Variants in CACNA2D3 observed in about 807,000 individuals in gnomAD.
CACNA2D3 encodes calcium voltage-gated channel auxiliary subunit alpha2delta 3.
A neutral mutation model predicts 160.6 loss-of-function variants in CACNA2D3; 60 were observed. The ratio of observed to expected loss-of-function variants is 0.37; its 90% CI spans 0.30 to 0.46. CACNA2D3 has a LOEUF of 0.46. Ranked by LOEUF, CACNA2D3 falls within the 20% of genes least tolerant of loss-of-function variation. The probability of loss-of-function intolerance (pLI) is 1.00; values close to 1 mark genes in which losing one functional copy is unlikely to be tolerated. For missense variants in CACNA2D3, 1,205 were observed against 1,365.0 expected (o/e 0.88, Z 1.85); for synonymous variants, 558 against 492.9 (o/e 1.13, Z -1.75).
intron 11 of CACNA2D3, among the ~76,000 whole-genome samples, chr3:54,690,792 C>T (rs1165441076): frequency 2.6e-5 from 4 of 152,052 alleles, no homozygotes; most frequent in Admixed American, 2.6e-4. Flanking sequence ...ACTTTGTTTT[C>T]CCTTTTCATT....
intron 2 of CACNA2D3, among the ~76,000 whole-genome samples, chr3:54,155,217 T>C (rs1700225430): frequency 1.3e-5 from 2 of 152,196 alleles, no homozygotes; most frequent in Non-Finnish European, 2.9e-5. Flanking sequence ...TGGTAGTAAG[T>C]ACAACATTGA....
At chr3:54,312,080 T>C (rs1703754794) in intron 2 of CACNA2D3, among the ~76,000 whole-genome samples, 1 of 152,158 alleles carries the variant, frequency 6.6e-6, no homozygotes, top group Admixed American at 6.5e-5. Context: ...TATTGGGGGA[T>C]CTGAATTAGA....
chr3:54,930,912 C>G (rs1701172070), intron 27 of CACNA2D3, among the ~76,000 whole-genome samples: 1 of 152,136 alleles, frequency 6.6e-6, no homozygotes, highest in Non-Finnish European at 1.5e-5. Context: ...GCCTGGCCAA[C>G]AAGGTGAAAC....
chr3:54,379,175 A>C (rs562479792), intron 3 of CACNA2D3, among the ~76,000 whole-genome samples: 1 of 152,300 alleles, frequency 6.6e-6, no homozygotes, highest in South Asian at 2.1e-4. Context: ...TTCTCTAGAA[A>C]CTTTATAGAT....
At chr3:55,054,116 A>G (rs2107210848) in intron 35 of CACNA2D3, among the ~76,000 whole-genome samples, 1 of 151,582 alleles carries the variant, frequency 6.6e-6, no homozygotes, top group African/African-American at 2.4e-5. Flanking sequence ...CTCATGTTCT[A>G]TCTTCAAATA....
At chr3:54,618,374 T>TATATATATACAC in intron 9 of CACNA2D3, among the ~76,000 whole-genome samples, 8 of 54,554 alleles carry the variant, frequency 1.5e-4, no homozygotes, top group Admixed American at 4.5e-4. Flanking sequence ...TATATATATA[T>TATATATATACAC]GCACACACAC....
chr3:54,143,459 C>G (rs991479588), intron 2 of CACNA2D3, among the ~76,000 whole-genome samples: 1 of 152,132 alleles, frequency 6.6e-6, no homozygotes, highest in East Asian at 1.9e-4. Context: ...CAACAAACTG[C>G]TATCCCATTA....
intron 5 of CACNA2D3, among the ~76,000 whole-genome samples, chr3:54,553,523 G>T (rs1702193103): frequency 6.6e-6 from 1 of 152,192 alleles, no homozygotes; most frequent in African/African-American, 2.4e-5. Flanking sequence ...GCAGGCATCT[G>T]CACAGGGGCC....
chr3:55,023,523 T>C (rs1028159770), intron 35 of CACNA2D3, among the ~76,000 whole-genome samples: 1 of 152,158 alleles, frequency 6.6e-6, no homozygotes, highest in Non-Finnish European at 1.5e-5. Context: ...TCTAATAGTT[T>C]AAATTTTAGG....
chr3:54,810,862 A>C (rs1316069318), intron 13 of CACNA2D3, among the ~76,000 whole-genome samples: 1 of 152,232 alleles, frequency 6.6e-6, no homozygotes, highest in African/African-American at 2.4e-5. Context: ...GAATTAAAAC[A>C]AAAACATGTC....
intron 4 of CACNA2D3, among the ~76,000 whole-genome samples, chr3:54,405,116 A>G (rs201249441): frequency 5.5e-5 from 6 of 108,246 alleles, no homozygotes; most frequent in Middle Eastern, 4.1e-3. Context: ...ATACTATACT[A>G]TACTGTACTG....
At chr3:54,938,061 G>A (rs1049770738) in intron 27 of CACNA2D3, among the ~76,000 whole-genome samples, 7 of 152,192 alleles carry the variant, frequency 4.6e-5, no homozygotes, top group African/African-American at 7.2e-5. Context: ...CCCCGTACAC[G>A]TTTCTCAGAT....
chr3:54,695,210 G>C (rs966278459), intron 11 of CACNA2D3, among the ~76,000 whole-genome samples: 1 of 151,974 alleles, frequency 6.6e-6, no homozygotes, highest in Non-Finnish European at 1.5e-5. Flanking sequence ...TAGAGATGGG[G>C]TTTTACCATG....
intron 2 of CACNA2D3, among the ~76,000 whole-genome samples, chr3:54,169,702 T>C (rs949136140): frequency 2.0e-4 from 30 of 151,830 alleles, no homozygotes; most frequent in African/African-American, 7.2e-4. Flanking sequence ...TGCATGTGTG[T>C]GTGCAAGTGT....
At chr3:54,552,978 A>C (rs1380447842) in intron 5 of CACNA2D3, among the ~76,000 whole-genome samples, 1 of 152,228 alleles carries the variant, frequency 6.6e-6, no homozygotes, top group East Asian at 1.9e-4. Flanking sequence ...CCAAGGCAAC[A>C]GGCTGAGGGA....
At chr3:54,192,405 C>T (rs1284541411) in intron 2 of CACNA2D3, among the ~76,000 whole-genome samples, 5 of 152,134 alleles carry the variant, frequency 3.3e-5, no homozygotes, top group African/African-American at 1.2e-4. Context: ...ATAATTGAGA[C>T]AGGAGTGGTG....
At chr3:55,002,507 T>C (rs1317614304) in intron 31 of CACNA2D3, among the ~76,000 whole-genome samples, 1 of 152,208 alleles carries the variant, frequency 6.6e-6, no homozygotes, top group African/African-American at 2.4e-5. Context: ...TCCCGGTGTC[T>C]GGGTTAGTGC....
chr3:54,378,546 G>T (rs1319158129), intron 3 of CACNA2D3, among the ~76,000 whole-genome samples: 1 of 152,192 alleles, frequency 6.6e-6, no homozygotes, highest in African/African-American at 2.4e-5. Flanking sequence ...CCCTTGGGAA[G>T]TTAAAGATAG....
intron 13 of CACNA2D3, among the ~76,000 whole-genome samples, chr3:54,814,991 T>G (rs371404877): frequency 2.6e-5 from 4 of 152,250 alleles, no homozygotes; most frequent in African/African-American, 9.6e-5. Flanking sequence ...TAAGAAAATA[T>G]ACATTTTTCA....
Sources: allele counts gnomAD v4.1 joint callset (sites outside exome capture counted in the v4.1 genomes callset), GRCh38; gene constraint gnomAD v4.1.1; transcripts MANE v1.5; gene names NCBI Gene and HGNC (gene_info 2026-07-23, HGNC 2026-07-21).